The following MTOR variants were observed in gnomAD, a reference collection of about 807,000 sequenced individuals.
MTOR encodes serine/threonine-protein kinase mTOR.
MTOR carries 70 observed loss-of-function variants against 319.8 expected under a neutral mutation model. The ratio of observed to expected loss-of-function variants is 0.22; its 90% CI spans 0.18 to 0.27. MTOR has a LOEUF of 0.27. Among genes scored for constraint, MTOR ranks in the 10% least tolerant of loss-of-function variants. MTOR has a pLI of 1.00. For synonymous variants in MTOR, 1,183 were observed against 1,211.4 expected, an observed-to-expected ratio of 0.98 and a Z score of 0.49; for missense variants, 1,890 against 3,274.4, an observed-to-expected ratio of 0.58 and a Z score of 10.32.
rs1326136325 is a variant in MTOR at position 11,107,494 on chromosome 1, A to C, written c.7641T>G (p.Pro2547=). The C allele has an allele frequency of 6.2e-7, 1 of 1,613,488 alleles. No homozygotes were observed. The highest frequency in any genetic ancestry group is 1.1e-5 in the South Asian group (1 of 90,888). Residue 2547 remains proline, a synonymous_variant, in exon 58 of 58, where the codon CCT becomes CCG. Transcript: ENST00000361445. ...ACATCTGGGCCTCCAGTTACCAGAAAGGGCACCTAAGAAGGCAGAAAGAAA... is the reference window on the plus strand; with the variant it reads ...ACATCTGGGCCTCCAGTTACCAGAACGGGCACCTAAGAAGGCAGAAAGAAA... ...NLCQCYIGWC[P]FW is the part of the protein sequence containing the mutation.
chr1:11,137,404 G>A (rs1469727904), intron 36 of MTOR, among the ~76,000 whole-genome samples: 1 of 152,088 alleles, frequency 6.6e-6, no homozygotes, highest in East Asian at 1.9e-4. Flanking sequence ...GGGAGGCTGG[G>A]TATTAAGTTT....
intron 46 of MTOR, among the ~76,000 whole-genome samples, 194 bp from the exon 47 acceptor site, chr1:11,124,827 G>GTTGT (rs1369349147): frequency 6.6e-6 from 1 of 152,234 alleles, no homozygotes; most frequent in African/African-American, 2.4e-5. Flanking sequence ...AATGACCAGT[G>GTTGT]TTGTTCAAAT....
At chr1:11,150,942 G>A (rs747404833) in intron 30 of MTOR, among the ~76,000 whole-genome samples, 11 of 152,120 alleles carry the variant, frequency 7.2e-5, no homozygotes, top group African/African-American at 9.7e-5. Flanking sequence ...ATGCAAATCC[G>A]AGTCCCTGAT....
At chr1:11,200,781 T>C (rs544783332) in intron 26 of MTOR, among the ~76,000 whole-genome samples, 4 of 152,266 alleles carry the variant, frequency 2.6e-5, no homozygotes, top group South Asian at 2.1e-4. Flanking sequence ...TTTGGGGGGC[T>C]GAGGCGGGCG....
At position 11,256,184 on chromosome 1, in the gene MTOR, A is replaced by T. The variant is rs772728745; in HGVS notation, c.513T>A (p.Val171=). Residue 171 remains valine, a synonymous_variant, in exon 5 of 58, where the codon GTT becomes GTA. Transcript: ENST00000361445. ...NEGRRHAAVL[V]LRELAISVPT... is the part of the protein sequence containing the mutation. ...GGACGCTGATGGCCAGCTCACGGAG[A>T]ACCAGGACCTGGAGAAAAAAGCAAA... The T allele has an allele frequency of 1.1e-5, 18 of 1,613,690 alleles. No individual in the cohort carries two copies. Among genetic ancestry groups the T allele is most frequent in the Admixed American group, 3.3e-5 (2 of 59,898 alleles).
At chr1:11,163,046 C>A (rs1221425185) in intron 29 of MTOR, among the ~76,000 whole-genome samples, 1 of 152,016 alleles carries the variant, frequency 6.6e-6, no homozygotes, top group Non-Finnish European at 1.5e-5. Context: ...ACCCATCTCA[C>A]GTGCAGACAC....
intron 34 of MTOR, among the ~76,000 whole-genome samples, chr1:11,139,979 C>A (rs747578887): frequency 3.9e-5 from 6 of 151,982 alleles, no homozygotes; most frequent in Non-Finnish European, 7.3e-5. Context: ...CGTGAGCCAG[C>A]ACGCCCGGCC....
In MTOR at chr1:11,128,010, G is replaced by T. The variant is rs757962203; in HGVS notation, c.6027C>A (p.Ala2009=). ...CACAGTGGCTCCGACCCACCATCAT[G>T]GCCTGCTGGACCAGGGTGTTGCTGT... ...CEHSNTLVQQ[A]MMVSEELIRV... is the part of the protein sequence containing the mutation. The change falls in exon 43 of 58, where the codon GCC becomes GCA. Residue 2009 remains alanine, a synonymous_variant. Transcript: ENST00000361445. The surrounding 1 kb of genome is among the most constrained non-coding windows in gnomAD (Gnocchi z 5.3). 1 of 1,613,884 alleles carries T rather than the reference G, an allele frequency of 6.2e-7. No homozygotes were observed. The highest frequency in any genetic ancestry group is 2.2e-5 in the East Asian group (1 of 44,890).
intron 28 of MTOR, among the ~76,000 whole-genome samples, chr1:11,179,630 G>A (rs1557810186): frequency 6.6e-6 from 1 of 152,168 alleles, no homozygotes; most frequent in South Asian, 2.1e-4. Flanking sequence ...TTCATAAGAC[G>A]CTCTGCAAGA....
chr1:11,250,204 G>A lies in MTOR; in HGVS notation c.841-2110C>T, dbSNP rs531946758. Among the ~76,000 whole-genome samples, 587 of 115,680 alleles carry A rather than the reference G, an allele frequency of 5.1e-3. 15 individuals carry two copies. Among genetic ancestry groups the A allele is most frequent in the African/African-American group, 0.015 (547 of 35,958 alleles). The allele number at this position is 115,680 out of a possible 152,430, so 75.9% of individuals were successfully genotyped here. On this transcript the variant is annotated intron_variant, in intron 6 of 57. Coordinates refer to ENST00000361445, the MANE Select transcript of MTOR (RefSeq NM_004958.4). The stretch of plus-strand genomic sequence containing the variant: ...CCCCCCGACCTCCCTCCCGGACGGG[G>A]CGGCTGGCCGGGCGGGGGGCTGACC...
rs183196844 is a variant in MTOR, at chr1:11,224,417, C to T, written c.3030+4251G>A. Among the ~76,000 whole-genome samples the T allele has an allele frequency of 3.1e-3, 478 of 152,098 alleles. 1 individual carries two copies. Among genetic ancestry groups the T allele is most frequent in the South Asian group, 7.1e-3 (34 of 4,818 alleles). ...TTGCATGCATCTAGTAATATAATCTCAAAGATACATAAAACAAGATTGACT... is the reference window on the plus strand; with the variant it reads ...TTGCATGCATCTAGTAATATAATCTTAAAGATACATAAAACAAGATTGACT... On this transcript the variant is annotated intron_variant, in intron 19 of 57. Transcript: ENST00000361445.
In MTOR at chr1:11,130,767, G is replaced by A. The variant is rs868040471; in HGVS notation, c.5375C>T (p.Ala1792Val). ...HDRSWYKAWH[A>V]WAVMNFEAVL... is the part of the protein sequence containing the mutation. ...AGCTTCGAAGTTCATCACTGCCCAC[G>A]CATGCCAGGCCTGGTTGGGGAGAAA... The change falls in exon 39 of 58, where the codon GCG becomes GTG. Residue 1792 changes from alanine to valine, a missense_variant. Physicochemically the swap from Ala to Val is moderately conservative, Grantham distance 64 (BLOSUM62 0). Around this residue, in one of 15 missense-constraint regions of MTOR, gnomAD observed 276 missense variants for 459.4 expected, o/e 0.60. Coordinates refer to ENST00000361445, the MANE Select transcript of MTOR (RefSeq NM_004958.4). The A allele has an allele frequency of 4.5e-6, 7 of 1,567,314 alleles. No individual in the cohort carries two copies. The highest frequency in any genetic ancestry group is 4.0e-5 in the African/African-American group (3 of 74,132).
intron 26 of MTOR, among the ~76,000 whole-genome samples, chr1:11,200,226 C>A (rs1248228557): frequency 6.6e-6 from 1 of 152,128 alleles, no homozygotes; most frequent in African/African-American, 2.4e-5. Flanking sequence ...TGTCTAAATT[C>A]TTAAGGTCAG....
intron 20 of MTOR, 126 bp from the exon 21 acceptor site, chr1:11,213,692 C>T: frequency 1.2e-6 from 1 of 827,310 alleles, no homozygotes; most frequent in East Asian, 2.5e-5. Flanking sequence ...ATCAACTCCT[C>T]ACTCCCCTCC....
At chr1:11,185,573 T>C (rs1371630503) in intron 28 of MTOR, among the ~76,000 whole-genome samples, 1 of 152,044 alleles carries the variant, frequency 6.6e-6, no homozygotes, top group Non-Finnish European at 1.5e-5. Context: ...CCCATTGCAC[T>C]CTAGCCTGAA....
chr1:11,119,416 A>C (rs953891794), intron 49 of MTOR, among the ~76,000 whole-genome samples: 3 of 151,502 alleles, frequency 2.0e-5, no homozygotes, highest in African/African-American at 2.4e-5. Context: ...AATACAAAAA[A>C]AAAAATTAGC....
intron 49 of MTOR, among the ~76,000 whole-genome samples, chr1:11,119,457 A>G (rs1317135374): frequency 6.6e-6 from 1 of 151,310 alleles, no homozygotes; most frequent in African/African-American, 2.4e-5. Flanking sequence ...TGTAGTCCCA[A>G]CTACTTGGGA....
chr1:11,257,077 TG>T lies in MTOR; in HGVS notation c.359del (p.Pro120GlnfsTer30). ...YLRNLLPSND[P>X]VVMEMASKAI... is the part of the protein sequence containing the mutation. ...CCTTGGATGCCATTTCCATGACAAC[TG>T]GGTCATTGGAGGGGAGGAGGTTCCG... is the stretch of plus-strand genomic sequence containing the variant. On this transcript the variant is annotated frameshift_variant, in exon 4 of 58. Coordinates refer to ENST00000361445, the MANE Select transcript of MTOR (RefSeq NM_004958.4). LOFTEE classifies it high-confidence loss of function. The T allele has an allele frequency of 6.2e-7, 1 of 1,614,132 alleles. No homozygotes were observed. The highest frequency in any genetic ancestry group is 8.5e-7 in the Non-Finnish European group (1 of 1,180,010).
In MTOR at chr1:11,129,633, G is replaced by A. The variant is rs1485412993; in HGVS notation, c.5714+105C>T. 3.1e-6 allele frequency: 3 copies of A among 954,688 alleles called. No homozygotes were observed. In the African/African-American group the frequency reaches 4.9e-5, roughly 15 times the overall value. The allele number at this position is 954,688 out of a possible 1,614,324, so 59.1% of individuals were successfully genotyped here. A position where few individuals can be genotyped will look rare whatever the true frequency, so the allele number is the denominator to read the frequency against. On this transcript the variant is annotated intron_variant, in intron 40 of 57. Coordinates refer to ENST00000361445, the MANE Select transcript of MTOR (RefSeq NM_004958.4). This position sits in a 1 kb window ranked among gnomAD's most constrained non-coding sequence, Gnocchi z 4.7. ...AAAAAGGCACATACATCGATCTTGG[G>A]TGTCCTGATCAGGGTCAGGAAGGGA... is the stretch of plus-strand genomic sequence containing the variant.
Sources: gnomAD v4.1 joint callset for allele counts (sites outside exome capture counted in the v4.1 genomes callset) on GRCh38, gnomAD v4.1.1 for gene constraint, gnomAD v4.1.1 regional missense constraint, Gnocchi (gnomAD v3.1) non-coding constraint, MANE v1.5 for transcripts, NCBI Gene and HGNC (gene_info 2026-07-23, HGNC 2026-07-21) for gene names.